Variants in RFX6 observed in about 807,000 individuals in gnomAD.
RFX6 encodes regulatory factor X6.
In RFX6, 50 loss-of-function variants were observed where a neutral mutation model predicts 110.8. The observed-to-expected ratio is 0.45, with a 90% CI of 0.36 to 0.57. The LOEUF (loss-of-function observed/expected upper bound fraction) is 0.57. Among genes scored for constraint, RFX6 ranks in the 20% least tolerant of loss-of-function variants. The pLI is 0.00. For synonymous variants in RFX6, 383 were observed against 411.2 expected (o/e 0.93, Z 0.83); for missense variants, 990 against 1,127.0 (o/e 0.88, Z 1.74).
rs766725782 is a variant in RFX6, at chr6:116,928,766, T to C, written c.2406T>C (p.Tyr802=). ...TLPPNSPNGY[Y]GSNINYPESH... is the part of the protein sequence containing the mutation. Reference sequence around the variant, plus strand: ...CAACATTTTCTGTTACAGGATACTATGGAAGCAACATAAACTACCCAGAGT... The same window carrying C: ...CAACATTTTCTGTTACAGGATACTACGGAAGCAACATAAACTACCCAGAGT... Residue 802 remains tyrosine (Y), a synonymous_variant, in exon 18 of 19, where the codon TAT becomes TAC. Transcript: ENST00000332958. 5 of 1,611,304 alleles carry C rather than the reference T, an allele frequency of 3.1e-6. No homozygotes were observed. The highest frequency in any genetic ancestry group is 1.3e-5 in the African/African-American group (1 of 74,996).
chr6:116,882,818 CT>C (rs1441271169), intron 4 of RFX6, among the ~76,000 whole-genome samples: 2 of 152,116 alleles, frequency 1.3e-5, no homozygotes, highest in East Asian at 1.9e-4. Context: ...CTCTAGTTTT[CT>C]TTCTGAGACA....
chr6:116,886,531 T>C (rs1774702540), intron 4 of RFX6, among the ~76,000 whole-genome samples: 1 of 152,206 alleles, frequency 6.6e-6, no homozygotes, highest in Non-Finnish European at 1.5e-5. Flanking sequence ...AAAGAGATGA[T>C]TAGTAGGGCC....
chr6:116,892,784 G>A (rs1338747465), intron 4 of RFX6, among the ~76,000 whole-genome samples: 1 of 152,186 alleles, frequency 6.6e-6, no homozygotes, highest in Non-Finnish European at 1.5e-5. Flanking sequence ...TCGATTTATA[G>A]TTTTCAAATA....
Position 116,923,149 on chromosome 6 carries a change from G to T in RFX6, c.1480G>T (p.Asp494Tyr). ...NGRSLKKRAQ[D>Y]FLLKWSFFGA... The stretch of plus-strand genomic sequence containing the variant: ...AAGGTCATTAAAGAAGAGAGCTCAA[G>T]ACTTTCTGTTAAAGTGGAGTTTTTT... The change falls in exon 14 of 19, where the codon GAC (aspartate) becomes TAC (tyrosine). Residue 494 changes from aspartate (D) to tyrosine (Y), a missense_variant. Physicochemically the swap from Asp to Tyr is radical, Grantham distance 160. Around this residue, in one of 5 missense-constraint regions of RFX6, gnomAD observed 89 missense variants for 140.3 expected, o/e 0.63. Transcript: ENST00000332958. 1 of 1,609,600 alleles carries T rather than the reference G, an allele frequency of 6.2e-7. No homozygotes were observed. Among genetic ancestry groups the T allele is most frequent in the Admixed American group, 1.7e-5 (1 of 60,016 alleles).
intron 12 of RFX6, 40 bp from the exon 13 acceptor site, chr6:116,922,000 TTC>T: frequency 1.1e-6 from 1 of 917,062 alleles, no homozygotes; most frequent in Non-Finnish European, 1.8e-6. Flanking sequence ...GAGTACAATA[TTC>T]TGTTTTCTTT....
chr6:116,928,204 G>A (rs1775794523), intron 17 of RFX6, among the ~76,000 whole-genome samples: 1 of 151,944 alleles, frequency 6.6e-6, no homozygotes, highest in African/African-American at 2.4e-5. Context: ...ACTAAAAGCA[G>A]ATTTTAAAGA....
intron 4 of RFX6, among the ~76,000 whole-genome samples, chr6:116,889,157 A>C (rs998778782): frequency 2.0e-5 from 3 of 152,122 alleles, no homozygotes; most frequent in Non-Finnish European, 4.4e-5. Flanking sequence ...TGCCCTTTAT[A>C]TATATTGTTT....
chr6:116,905,568 T>C (rs1775182543), intron 6 of RFX6, among the ~76,000 whole-genome samples: 1 of 151,826 alleles, frequency 6.6e-6, no homozygotes, highest in Non-Finnish European at 1.5e-5. Context: ...TTTTTTTTTT[T>C]TTTGAGATGG....
chr6:116,896,832 A>G (rs1013958376), intron 6 of RFX6, among the ~76,000 whole-genome samples: 2 of 152,220 alleles, frequency 1.3e-5, no homozygotes, highest in African/African-American at 4.8e-5. Context: ...TGGTGTCAGC[A>G]TATTTACAGC....
rs36057271 is a variant in RFX6, at chr6:116,894,658, G to GAA, written c.645-521_645-520insAA. 4.9e-3 allele frequency among the ~76,000 whole-genome samples: 284 copies of GAA among 57,788 alleles called. 4 individuals are homozygous for GAA. In the East Asian group the frequency reaches 0.068, roughly 14 times the overall value. 37.9% of individuals were successfully genotyped at this position (57,788 alleles called of 152,430 possible). A position where few individuals can be genotyped will look rare whatever the true frequency, so the allele number is the denominator to read the frequency against. On this transcript the variant is annotated intron_variant, in intron 5 of 18. Transcript: ENST00000332958. The stretch of plus-strand genomic sequence containing the variant: ...TGAGGTTACATCTAATGAAACCAGT[G>GAA]ATAACACATCATTCATTTTTTAAAC...
chr6:116,916,155 C>G, intron 8 of RFX6, 46 bp from the exon 9 acceptor site: 1 of 1,552,922 alleles, frequency 6.4e-7, no homozygotes, highest in African/African-American at 1.4e-5. Context: ...TTAATGAGTT[C>G]ATGTTAAAGA....
chr6:116,895,845 A>T (rs1285504162), intron 6 of RFX6, among the ~76,000 whole-genome samples: 1 of 152,226 alleles, frequency 6.6e-6, no homozygotes, highest in African/African-American at 2.4e-5. Flanking sequence ...TGCCAAGCTA[A>T]GGGCACATGA....
intron 6 of RFX6, among the ~76,000 whole-genome samples, chr6:116,896,110 G>A (rs1311849859): frequency 1.3e-5 from 2 of 152,122 alleles, no homozygotes; most frequent in African/African-American, 4.8e-5. Context: ...TTGACTTAGA[G>A]ATACACTTTG....
chr6:116,889,633 T>C (rs1421099763), intron 4 of RFX6, among the ~76,000 whole-genome samples: 2 of 152,120 alleles, frequency 1.3e-5, no homozygotes, highest in African/African-American at 4.8e-5. Flanking sequence ...ACCGTGGCTA[T>C]GGCAAGCTAT....
At chr6:116,913,426 G>T (rs1775398163) in intron 7 of RFX6, among the ~76,000 whole-genome samples, 1 of 152,144 alleles carries the variant, frequency 6.6e-6, no homozygotes, top group Non-Finnish European at 1.5e-5. Context: ...CCCAGTGAGG[G>T]TACTGAGAAG....
chr6:116,878,049 A>G (rs1372600669), intron 2 of RFX6, 97 bp downstream of exon 2: 3 of 1,302,718 alleles, frequency 2.3e-6, no homozygotes, highest in African/African-American at 3.0e-5. Context: ...TTCTTCCTCA[A>G]ACTTTTTGGG....
chr6:116,879,344 T>C (rs1774536082), intron 2 of RFX6, among the ~76,000 whole-genome samples: 1 of 151,920 alleles, frequency 6.6e-6, no homozygotes, highest in Non-Finnish European at 1.5e-5. Context: ...AAAATATAAT[T>C]TTTAAATAGA....
chr6:116,905,176 A>C (rs374334306), intron 6 of RFX6, among the ~76,000 whole-genome samples: 3 of 152,288 alleles, frequency 2.0e-5, no homozygotes. Flanking sequence ...CATCCTTGAC[A>C]ACACTTGTTA....
intron 4 of RFX6, among the ~76,000 whole-genome samples, chr6:116,893,020 C>T (rs1023375817): frequency 1.3e-5 from 2 of 152,038 alleles, no homozygotes; most frequent in Non-Finnish European, 2.9e-5. Context: ...TGGTGGTGCT[C>T]GGAAACAACG....
Sources: gnomAD v4.1 joint callset for allele counts (sites outside exome capture counted in the v4.1 genomes callset) on GRCh38, gnomAD v4.1.1 for gene constraint, gnomAD v4.1.1 regional missense constraint, MANE v1.5 for transcripts, NCBI Gene and HGNC (gene_info 2026-07-23, HGNC 2026-07-21) for gene names.